ECT2: variants seen among roughly 807,000 people sequenced by gnomAD.
ECT2 encodes epithelial cell transforming 2.
In ECT2, 61 loss-of-function variants were observed where a neutral mutation model predicts 116.9. The ratio of observed to expected loss-of-function variants is 0.52; its 90% CI spans 0.42 to 0.65. The LOEUF (loss-of-function observed/expected upper bound fraction) is 0.65. Ranked by LOEUF, ECT2 falls within the 30% of genes least tolerant of loss-of-function variation. ECT2 has a pLI of 0.00. For missense variants in ECT2, 937 were observed against 1,078.7 expected (o/e 0.87, Z 1.84); for synonymous variants, 358 against 346.4 (o/e 1.03, Z -0.37).
intron 14 of ECT2, among the ~76,000 whole-genome samples, chr3:172,778,516 G>T (rs1359411550): frequency 6.7e-6 from 1 of 150,294 alleles, no homozygotes; most frequent in Non-Finnish European, 1.5e-5. Flanking sequence ...ACAGCTGTGT[G>T]ATTTGAGGAA....
At chr3:172,789,058 A>AG (rs1491390924) in intron 18 of ECT2, among the ~76,000 whole-genome samples, 1 of 26,378 alleles carries the variant, frequency 3.8e-5, no homozygotes, top group Non-Finnish European at 1.6e-4. Context: ...ACTCTGTCTC[A>AG]AAAAAAAAAA....
At chr3:172,763,954 G>C (rs564042367) in intron 11 of ECT2, among the ~76,000 whole-genome samples, 1 of 152,340 alleles carries the variant, frequency 6.6e-6, no homozygotes, top group South Asian at 2.1e-4. Context: ...CTGTGCTAGG[G>C]ATACAGCGAA....
At position 172,811,680 on chromosome 3, in the gene ECT2, GA is replaced by G. The variant is rs535354017; in HGVS notation, c.2400+3757del. ...TAAATTTCAGGGGCCTTCATTAAAA[GA>G]GCATTTCAGCAAAATTAAACACACT... On this transcript the variant is annotated intron_variant, in intron 22 of 24. Transcript: ENST00000392692. 2.7e-3 allele frequency among the ~76,000 whole-genome samples: 404 copies of G among 152,208 alleles called. 6 individuals are homozygous for G. The highest frequency in any genetic ancestry group is 9.2e-3 in the African/African-American group (383 of 41,536).
chr3:172,797,647 G>C (rs185230802), intron 18 of ECT2, among the ~76,000 whole-genome samples: 90 of 152,022 alleles, frequency 5.9e-4, no homozygotes, highest in African/African-American at 2.1e-3. Flanking sequence ...CAACTTCCAG[G>C]TTATCTAAAT....
chr3:172,756,607 A>G (rs771723627), intron 4 of ECT2, among the ~76,000 whole-genome samples: 23 of 152,140 alleles, frequency 1.5e-4, no homozygotes, highest in Non-Finnish European at 3.2e-4. Flanking sequence ...TCAGTAGTGG[A>G]TATCTTTCTA....
intron 7 of ECT2, among the ~76,000 whole-genome samples, 187 bp downstream of exon 7, chr3:172,760,450 TC>T (rs1718023880): frequency 3.3e-5 from 5 of 152,116 alleles, no homozygotes; most frequent in African/African-American, 1.2e-4. Flanking sequence ...TCTTTTCTTT[TC>T]TTTTTTTTTA....
At chr3:172,818,365 T>G in intron 24 of ECT2, 1 of 240,602 alleles carries the variant, frequency 4.2e-6, no homozygotes, top group Non-Finnish European at 6.9e-6. Flanking sequence ...CGAAGCCACC[T>G]GTAGCAACTA....
At chr3:172,803,002 T>G in intron 20 of ECT2, 22 bp downstream of exon 20, 1 of 1,579,190 alleles carries the variant, frequency 6.3e-7, no homozygotes, top group Non-Finnish European at 8.6e-7. Context: ...CTTCACATAG[T>G]ATAATAACAC....
At position 172,764,447 on chromosome 3, in the gene ECT2, T is replaced by C. The variant is rs1410882023; in HGVS notation, c.1238T>C (p.Ile413Thr). The C allele has an allele frequency of 6.2e-7, 1 of 1,614,124 alleles. No individual in the cohort carries two copies. Among genetic ancestry groups the C allele is most frequent in the Admixed American group, 1.7e-5 (1 of 60,012 alleles). ...KRPSAEHSLS[I>T]GSLLDISNTP... Reference sequence around the variant, plus strand: ...CCATCAGCTGAGCATTCCCTTTCCATAGGGTCACTCCTAGATATCTCCAAC... The same window carrying C: ...CCATCAGCTGAGCATTCCCTTTCCACAGGGTCACTCCTAGATATCTCCAAC... Residue 413 changes from isoleucine to threonine, a missense_variant, in exon 12 of 25, where the codon ATA becomes ACA. Transcript: ENST00000392692.
chr3:172,794,052 G>GT (rs1027098939), intron 18 of ECT2, among the ~76,000 whole-genome samples: 8 of 151,446 alleles, frequency 5.3e-5, no homozygotes, highest in East Asian at 1.9e-4. Context: ...TTTCTGGCTT[G>GT]TTTTTTTCTT....
Position 172,802,832 on chromosome 3 carries a change from C to G in ECT2, c.1987-29C>G, listed in dbSNP as rs772373927. 1.9e-6 allele frequency: 3 copies of G among 1,588,742 alleles called. No homozygotes were observed. In the South Asian group the frequency reaches 3.5e-5, roughly 19 times the overall value. On this transcript the variant is annotated intron_variant, in intron 19 of 24. Coordinates refer to ENST00000392692, the MANE Select transcript of ECT2 (RefSeq NM_001258315.2). Reference sequence around the variant, plus strand: ...TAAAAATTACTTGATACCAAGTGATCTCTTTTGTTATATTTTCAACCTATA... The same window carrying G: ...TAAAAATTACTTGATACCAAGTGATGTCTTTTGTTATATTTTCAACCTATA...
chr3:172,801,868 T>C (rs1726783618), intron 18 of ECT2, among the ~76,000 whole-genome samples: 1 of 152,212 alleles, frequency 6.6e-6, no homozygotes, highest in African/African-American at 2.4e-5. Flanking sequence ...TGTTATTCAG[T>C]CTTGTCTGAA....
chr3:172,807,669 A>G, intron 21 of ECT2, 101 bp from the exon 22 acceptor site: 3 of 1,320,472 alleles, frequency 2.3e-6, no homozygotes, highest in Non-Finnish European at 3.1e-6. Flanking sequence ...GTGATAGTTC[A>G]TTTCATTGGA....
chr3:172,827,029 A>G, the ECT2 span, among the ~76,000 whole-genome samples: 2 of 152,264 alleles, frequency 1.3e-5, no homozygotes, highest in Non-Finnish European at 2.9e-5. Flanking sequence ...CAACACATAT[A>G]TGAATAAATG....
At chr3:172,762,670 C>T (rs1718551743) in intron 9 of ECT2, 21 bp from the exon 10 acceptor site, 1 of 1,594,022 alleles carries the variant, frequency 6.3e-7, no homozygotes, top group Admixed American at 1.8e-5. Flanking sequence ...CTTATTTATG[C>T]TTATGTGCAT....
At chr3:172,823,015 A>G (rs1399201900), downstream of ECT2, among the ~76,000 whole-genome samples, 1 of 152,078 alleles carries the variant, frequency 6.6e-6, no homozygotes, top group Non-Finnish European at 1.5e-5. Flanking sequence ...TCAAGCATGC[A>G]CATTAAGTAT....
chr3:172,770,461 G>GT (rs1160230509), intron 13 of ECT2, among the ~76,000 whole-genome samples: 1 of 152,144 alleles, frequency 6.6e-6, no homozygotes, highest in East Asian at 1.9e-4. Context: ...TCAAAGGTTT[G>GT]TTTAAAAGAT....
intron 22 of ECT2, among the ~76,000 whole-genome samples, chr3:172,813,056 T>C (rs1349346211): frequency 6.6e-6 from 1 of 152,094 alleles, no homozygotes; most frequent in African/African-American, 2.4e-5. Context: ...AGGTATCAAA[T>C]ATTCAGTTGT....
intron 14 of ECT2, among the ~76,000 whole-genome samples, chr3:172,776,213 T>C (rs1376926136): frequency 2.1e-5 from 3 of 141,326 alleles, no homozygotes; most frequent in East Asian, 2.0e-4. Context: ...TTTTTTTTTT[T>C]TTTTTTTTGT....
Sources: gnomAD v4.1 joint callset for allele counts (sites outside exome capture counted in the v4.1 genomes callset) on GRCh38, gnomAD v4.1.1 for gene constraint, MANE v1.5 for transcripts, NCBI Gene and HGNC (gene_info 2026-07-23, HGNC 2026-07-21) for gene names.